The following ITGB3 variants were observed in gnomAD, a reference collection of about 807,000 sequenced individuals.
ITGB3 encodes integrin subunit beta 3.
ITGB3 carries 48 observed loss-of-function variants against 85.8 expected under a neutral mutation model. The ratio of observed to expected loss-of-function variants is 0.56; its 90% CI spans 0.44 to 0.71. ITGB3 has a LOEUF of 0.71. Ranked by LOEUF, ITGB3 falls within the 30% of genes least tolerant of loss-of-function variation. The pLI is 0.00. For missense variants in ITGB3, 861 were observed against 1,019.1 expected (o/e 0.84, Z 2.11); for synonymous variants, 363 against 395.6 (o/e 0.92, Z 0.98).
intron 2 of ITGB3, among the ~76,000 whole-genome samples, chr17:47,275,116 G>A (rs2065058818): frequency 6.6e-6 from 1 of 152,146 alleles, no homozygotes; most frequent in Non-Finnish European, 1.5e-5. Context: ...GCTTGTGTGT[G>A]GTGATGTTTA....
intron 4 of ITGB3, among the ~76,000 whole-genome samples, chr17:47,284,942 A>G (rs1385962319): frequency 6.6e-6 from 1 of 152,220 alleles, no homozygotes; most frequent in African/African-American, 2.4e-5. Context: ...TCTTGGTAAC[A>G]AATAAATAGA....
chr17:47,280,759 C>G (rs975311144), intron 2 of ITGB3, among the ~76,000 whole-genome samples: 6 of 152,170 alleles, frequency 3.9e-5, no homozygotes, highest in African/African-American at 1.4e-4. Flanking sequence ...CAGATGTCAT[C>G]CATCCTTCTC....
In ITGB3 at chr17:47,300,592, A is replaced by G; in HGVS notation, c.2014+14A>G. On this transcript the variant is annotated intron_variant, in intron 12 of 14. Transcript: ENST00000559488. ...TGAAAGAGCTTAGTAAGTTCAGCAC[A>G]TCTTAGAGTTGCACACACCCAGGTT... 1 of 1,587,782 alleles carries G rather than the reference A, an allele frequency of 6.3e-7. No individual in the cohort carries two copies. Among genetic ancestry groups the G allele is most frequent in the Non-Finnish European group, 8.6e-7 (1 of 1,156,758 alleles).
intron 3 of ITGB3, 44 bp downstream of exon 3, chr17:47,283,593 G>C: frequency 5.7e-6 from 9 of 1,583,920 alleles, no homozygotes; most frequent in Non-Finnish European, 6.1e-6. Context: ...AAGCAGGTGG[G>C]CATAGAGCAC....
At chr17:47,272,365 A>T (rs11079769) in intron 1 of ITGB3, among the ~76,000 whole-genome samples, 54,538 of 151,150 alleles carry the variant, frequency 0.36, 10,060 homozygotes, top group East Asian at 0.52. Flanking sequence ...TTTTTTTTTT[A>T]AAAGAATAAT....
chr17:47,308,023 G>A lies in ITGB3; in HGVS notation c.2301+386G>A, dbSNP rs947161987. Among the ~76,000 whole-genome samples, 16 of 151,732 alleles carry A rather than the reference G, an allele frequency of 1.1e-4. 1 individual carries two copies. Among genetic ancestry groups the A allele is most frequent in the African/African-American group, 3.4e-4 (14 of 41,298 alleles). On this transcript the variant is annotated intron_variant, in intron 14 of 14. Transcript: ENST00000559488. ...TCTATTAATAATATAAAAATTAGCC[G>A]GGTGTGGTGGTGCATGCCTGTAATC...
rs2065210425 is a variant in ITGB3, at chr17:47,310,629, A to G, written c.*425A>G. The G allele has an allele frequency of 6.7e-6, 2 of 300,474 alleles. No homozygotes were observed. The highest frequency in any genetic ancestry group is 1.3e-5 in the Non-Finnish European group (2 of 152,816). 18.6% of individuals were successfully genotyped at this position (300,474 alleles called of 1,614,324 possible). ...GGCCTCTCATTCCAGAGGAAGGGAC[A>G]CCAAGCCTTGGCTCTACCCTGAGTT... is the stretch of plus-strand genomic sequence containing the variant. On this transcript the variant is annotated 3_prime_UTR_variant, in exon 15 of 15. Transcript: ENST00000559488.
At chr17:47,309,354 T>C (rs893805642) in intron 14 of ITGB3, among the ~76,000 whole-genome samples, 4 of 152,002 alleles carry the variant, frequency 2.6e-5, no homozygotes, top group Non-Finnish European at 5.9e-5. Flanking sequence ...TGCCTGGCCA[T>C]GGTTAGTGCT....
chr17:47,269,513 G>A (rs576018133), intron 1 of ITGB3, among the ~76,000 whole-genome samples: 3 of 152,180 alleles, frequency 2.0e-5, no homozygotes, highest in Non-Finnish European at 4.4e-5. Context: ...CTAAAGCATA[G>A]GAAGCATGAC....
chr17:47,311,062 C>A lies in ITGB3; in HGVS notation c.*858C>A, dbSNP rs2065212835. The A allele has an allele frequency of 6.5e-6, 1 of 153,078 alleles. No homozygotes were observed. Among genetic ancestry groups the A allele is most frequent in the Non-Finnish European group, 1.5e-5 (1 of 68,394 alleles). The allele number at this position is 153,078 out of a possible 1,614,324, so 9.5% of individuals were successfully genotyped here. Reference sequence around the variant, plus strand: ...CATCTCTTTACCTCCTAATTCCACACCCTCACTGCTGTAGACATTTGCTAT... The same window carrying A: ...CATCTCTTTACCTCCTAATTCCACAACCTCACTGCTGTAGACATTTGCTAT... On this transcript the variant is annotated 3_prime_UTR_variant, in exon 15 of 15. Coordinates refer to ENST00000559488, the MANE Select transcript of ITGB3 (RefSeq NM_000212.3).
intron 1 of ITGB3, among the ~76,000 whole-genome samples, chr17:47,266,572 T>C (rs2065026518): frequency 6.6e-6 from 1 of 152,152 alleles, no homozygotes; most frequent in Non-Finnish European, 1.5e-5. Flanking sequence ...TGGATTAAAA[T>C]TGTTATTTTC....
In ITGB3 at chr17:47,299,151, G is replaced by A. The variant is rs1228516466; in HGVS notation, c.1691-157G>A. Among the ~76,000 whole-genome samples, 1 of 152,186 alleles carries A rather than the reference G, an allele frequency of 6.6e-6. No individual in the cohort carries two copies. The highest frequency in any genetic ancestry group is 2.4e-5 in the African/African-American group (1 of 41,464). Reference sequence around the variant, plus strand: ...CCCCTAGAAAACTGAGTTTGTCCCTGCTGGGTAGGACTCCCCTGGGTGGTG... The same window carrying A: ...CCCCTAGAAAACTGAGTTTGTCCCTACTGGGTAGGACTCCCCTGGGTGGTG... On this transcript the variant is annotated intron_variant, in intron 10 of 14. Transcript: ENST00000559488. This position sits in a 1 kb window ranked among gnomAD's most constrained non-coding sequence, Gnocchi z 5.1.
intron 13 of ITGB3, 108 bp from the exon 14 acceptor site, chr17:47,307,362 AT>A (rs2065192459): frequency 8.0e-7 from 1 of 1,248,436 alleles, no homozygotes; most frequent in Non-Finnish European, 1.2e-6. Flanking sequence ...AAACTGTCCT[AT>A]TTCCTTCAAG....
At chr17:47,304,384 G>T (rs973536749) in intron 13 of ITGB3, among the ~76,000 whole-genome samples, 5 of 152,170 alleles carry the variant, frequency 3.3e-5, no homozygotes, top group Admixed American at 2.6e-4. Context: ...CCACTATAGG[G>T]CAGTAAAGAC....
At chr17:47,306,811 CTGGGATTACAGG>C (rs2065189847) in intron 13 of ITGB3, among the ~76,000 whole-genome samples, 1 of 151,910 alleles carries the variant, frequency 6.6e-6, no homozygotes, top group African/African-American at 2.4e-5. Context: ...TCCCAAGTAG[CTGGGATTACAGG>C]TGCTCGCCAC....
chr17:47,260,770 G>A (rs2065006333), intron 1 of ITGB3, among the ~76,000 whole-genome samples: 1 of 151,560 alleles, frequency 6.6e-6, no homozygotes, highest in Admixed American at 6.6e-5. Flanking sequence ...TGAAGGCTGT[G>A]AGAGTGGGCC....
intron 1 of ITGB3, among the ~76,000 whole-genome samples, chr17:47,267,667 C>G (rs569684660): frequency 6.6e-6 from 1 of 152,262 alleles, no homozygotes; most frequent in African/African-American, 2.4e-5. Context: ...AGAACAAATC[C>G]CAGCACCTCA....
intron 1 of ITGB3, among the ~76,000 whole-genome samples, chr17:47,266,603 G>C (rs574824015): frequency 6.6e-6 from 1 of 152,000 alleles, no homozygotes; most frequent in South Asian, 2.1e-4. Flanking sequence ...TTTGAGGCAG[G>C]GTCTCACTTT....
chr17:47,309,321 G>A (rs1202278217), intron 14 of ITGB3, among the ~76,000 whole-genome samples: 1 of 152,056 alleles, frequency 6.6e-6, no homozygotes, highest in East Asian at 1.9e-4. Flanking sequence ...TAAAAGTGCT[G>A]GGATTATAGG....
Sources: allele counts gnomAD v4.1 joint callset (sites outside exome capture counted in the v4.1 genomes callset), GRCh38; gene constraint gnomAD v4.1.1; non-coding constraint Gnocchi (gnomAD v3.1); transcripts MANE v1.5; gene names NCBI Gene and HGNC (gene_info 2026-07-23, HGNC 2026-07-21).